The following MTMR6 variants were observed in gnomAD, a reference collection of about 807,000 sequenced individuals.
MTMR6 encodes phosphatidylinositol-3,5-bisphosphate 3-phosphatase MTMR6.
MTMR6 carries 47 observed loss-of-function variants against 80.1 expected under a neutral mutation model. The ratio of observed to expected loss-of-function variants is 0.59; its 90% confidence interval spans 0.46 to 0.75. The LOEUF is 0.75. Ranked by LOEUF, MTMR6 falls within the 30% of genes least tolerant of loss-of-function variation. The pLI, the probability that MTMR6 is intolerant of heterozygous loss-of-function variation, is 0.00. For missense variants in MTMR6, 629 were observed against 730.9 expected (o/e 0.86, Z 1.61); for synonymous variants, 254 against 253.0 (o/e 1.00, Z -0.04).
At chr13:25,278,990 G>A (rs998960723) in intron 1 of MTMR6, among the ~76,000 whole-genome samples, 3 of 152,152 alleles carry the variant, frequency 2.0e-5, no homozygotes, top group Non-Finnish European at 4.4e-5. Context: ...TCAGGAAAGA[G>A]TTTACTAATT....
At chr13:25,270,255 T>C (rs557196968) in intron 2 of MTMR6, among the ~76,000 whole-genome samples, 2 of 152,296 alleles carry the variant, frequency 1.3e-5, no homozygotes, top group Non-Finnish European at 2.9e-5. Flanking sequence ...TAACTAGTTA[T>C]GTGATTTTGA....
At chr13:25,285,213 T>G (rs1000031858) in intron 1 of MTMR6, among the ~76,000 whole-genome samples, 2 of 152,020 alleles carry the variant, frequency 1.3e-5, no homozygotes, top group Admixed American at 6.6e-5. Context: ...GGGCTACAAC[T>G]CTACAAATAA....
rs1593142037 is a variant in MTMR6, at chr13:25,253,769, C to T, written c.1341G>A (p.Glu447=). Residue 447 remains glutamate (E), a synonymous_variant, in exon 11 of 14, where the codon GAG becomes GAA. Transcript: ENST00000381801. ...FLGNCQKERE[E]LKLKEKTYSL... ...TTTTAATTGAATCATCTTACTTGAG[C>T]TCTTCTCTTTCCTTCTGACAATTTC... 1 of 1,613,708 alleles carries T rather than the reference C, an allele frequency of 6.2e-7. No homozygotes were observed. Among genetic ancestry groups the T allele is most frequent in the Non-Finnish European group, 8.5e-7 (1 of 1,179,784 alleles).
At position 25,274,063 on chromosome 13, in the gene MTMR6, C is replaced by G. The variant is rs1421351065; in HGVS notation, c.141+8G>C. The G allele has an allele frequency of 6.6e-7, 1 of 1,509,270 alleles. No individual in the cohort carries two copies. The highest frequency in any genetic ancestry group is 9.2e-7 in the Non-Finnish European group (1 of 1,092,558). 93.5% of individuals were successfully genotyped at this position (1,509,270 alleles called of 1,614,324 possible). Reference sequence around the variant, plus strand: ...TATGATAAATAGTACAGCTGCGGTCCTCCTTACCCAGGTTTCTTTTTGATG... The same window carrying G: ...TATGATAAATAGTACAGCTGCGGTCGTCCTTACCCAGGTTTCTTTTTGATG... On this transcript the variant is annotated splice_region_variant and intron_variant, in intron 2 of 13. Coordinates refer to ENST00000381801, the MANE Select transcript of MTMR6 (RefSeq NM_004685.5).
chr13:25,255,319 GTC>G (rs1171181169), intron 9 of MTMR6, among the ~76,000 whole-genome samples: 6 of 152,210 alleles, frequency 3.9e-5, no homozygotes, highest in Non-Finnish European at 8.8e-5. Flanking sequence ...TTTTATTCTG[GTC>G]TCTCTGCCAT....
chr13:25,260,562 T>C, intron 6 of MTMR6: 1 of 1,243,146 alleles, frequency 8.0e-7, no homozygotes, highest in Non-Finnish European at 1.0e-6. Flanking sequence ...ACTTGCGTTC[T>C]ATATTGCTCA....
chr13:25,273,989 G>C, intron 2 of MTMR6, 82 bp downstream of exon 2: 1 of 996,330 alleles, frequency 1.0e-6, no homozygotes, highest in Admixed American at 2.4e-5. Context: ...ATTAAAAATT[G>C]TGTTATACAC....
At chr13:25,254,044 A>C in intron 10 of MTMR6, 80 bp from the exon 11 acceptor site, 1 of 1,382,220 alleles carries the variant, frequency 7.2e-7, no homozygotes, top group Non-Finnish European at 1.0e-6. Flanking sequence ...TTAAACATAC[A>C]AAAATATTCC....
In MTMR6 at chr13:25,258,596, G is replaced by A. The variant is rs1957266194; in HGVS notation, c.823C>T (p.His275Tyr). Residue 275 changes from histidine (H) to tyrosine (Y), a missense_variant, in exon 7 of 14, where the codon CAT (histidine) becomes TAT (tyrosine). Coordinates refer to ENST00000381801, the MANE Select transcript of MTMR6 (RefSeq NM_004685.5). ...TTCTGAAGGCTGGACCTCATGACAT[G>A]AATATTTTCAATTCCAACAAACTGA... ...RFQFVGIENI[H>Y]VMRSSLQKLL... 3.1e-6 allele frequency: 5 copies of A among 1,596,254 alleles called. No individual in the cohort carries two copies. The East Asian group carries it at 1.1e-4, about 37-fold the overall frequency.
rs546763425 is a variant in MTMR6, at chr13:25,285,396, C to A, written c.24+1828G>T. 6.4e-3 allele frequency among the ~76,000 whole-genome samples: 866 copies of A among 134,342 alleles called. 65 individuals are homozygous for A. Among genetic ancestry groups the A allele is most frequent in the African/African-American group, 0.023 (816 of 35,490 alleles). 88.1% of individuals were successfully genotyped at this position (134,342 alleles called of 152,430 possible). A position where few individuals can be genotyped will look rare whatever the true frequency, so the allele number is the denominator to read the frequency against. On this transcript the variant is annotated intron_variant, in intron 1 of 13. Coordinates refer to ENST00000381801, the MANE Select transcript of MTMR6 (RefSeq NM_004685.5). Reference sequence around the variant, plus strand: ...GATTTTTTATTCTTTTCCGCCCCCCCCCCCCCAATTATGTCACCCAGGCTG... The same window carrying A: ...GATTTTTTATTCTTTTCCGCCCCCCACCCCCCAATTATGTCACCCAGGCTG...
In MTMR6 at chr13:25,253,857, C is replaced by T. The variant is rs1957137274; in HGVS notation, c.1253G>A (p.Ser418Asn). ...TEQFPQAFEFSEAFLLQIHEH... is the reference protein window; with the variant it reads ...TEQFPQAFEFNEAFLLQIHEH... ...ATGGATCTGAAGAAGAAATGCTTCA[C>T]TGAATTCAAAGGCTTGTGGAAACTG... The change falls in exon 11 of 14, where the codon AGT becomes AAT. Residue 418 changes from serine (S) to asparagine (N), a missense_variant. Transcript: ENST00000381801. 2 of 1,614,100 alleles carry T rather than the reference C, an allele frequency of 1.2e-6. No individual in the cohort carries two copies. Among genetic ancestry groups the T allele is most frequent in the South Asian group, 1.1e-5 (1 of 91,082 alleles).
chr13:25,276,750 C>T (rs577121134), intron 1 of MTMR6, among the ~76,000 whole-genome samples: 1 of 152,334 alleles, frequency 6.6e-6, no homozygotes, highest in Admixed American at 6.5e-5. Context: ...TCCAGCTCTG[C>T]TGTCTCCTGA....
At chr13:25,257,039 A>T (rs1957224387) in intron 9 of MTMR6, among the ~76,000 whole-genome samples, 157 bp downstream of exon 9, 1 of 152,168 alleles carries the variant, frequency 6.6e-6, no homozygotes, top group Non-Finnish European at 1.5e-5. Flanking sequence ...GTGCATTATA[A>T]AATGTTTAGT....
At chr13:25,261,303 T>TTAA (rs1471650543) in intron 6 of MTMR6, among the ~76,000 whole-genome samples, 1 of 40,836 alleles carries the variant, frequency 2.4e-5, no homozygotes, top group Admixed American at 4.6e-4. Context: ...AACTCTGTCT[T>TTAA]AAAAAAAAAA....
At chr13:25,279,663 T>A (rs1250483846) in intron 1 of MTMR6, among the ~76,000 whole-genome samples, 1 of 152,202 alleles carries the variant, frequency 6.6e-6, no homozygotes, top group Non-Finnish European at 1.5e-5. Context: ...AGGATGCGTA[T>A]GGAGTTTAAA....
Position 25,261,769 on chromosome 13 carries a change from C to T in MTMR6, c.625G>A (p.Gly209Arg). 2 of 1,613,336 alleles carry T rather than the reference C, an allele frequency of 1.2e-6. No homozygotes were observed. The highest frequency in any genetic ancestry group is 1.7e-6 in the Non-Finnish European group (2 of 1,179,600). The change falls in exon 6 of 14, where the codon GGA (glycine) becomes AGA (arginine). Residue 209 changes from glycine (G) to arginine (R), a missense_variant. Physicochemically the swap from Gly to Arg is moderately radical, Grantham distance 125 (BLOSUM62 -2). Coordinates refer to ENST00000381801, the MANE Select transcript of MTMR6 (RefSeq NM_004685.5). ...TCCTCCAGGCACCTGGCACTGAATC[C>T]AGAGAGTGGCTGACTACATCGACAA... is the stretch of plus-strand genomic sequence containing the variant. ...AICRCSQPLS[G>R]FSARCLEDEH...
In MTMR6 at chr13:25,261,656, T is replaced by TA. The variant is rs753579741; in HGVS notation, c.726+11dup. 2 of 1,604,184 alleles carry TA rather than the reference T, an allele frequency of 1.2e-6. No individual in the cohort carries two copies. The highest frequency in any genetic ancestry group is 1.7e-6 in the Non-Finnish European group (2 of 1,174,670). Reference sequence around the variant, plus strand: ...TTAAACTAGCAGACTGTACTGTATTTAAAATACATACTTTTGGCCTGGTAT... The same window carrying TA: ...TTAAACTAGCAGACTGTACTGTATTTAAAAATACATACTTTTGGCCTGGTAT... On this transcript the variant is annotated intron_variant, in intron 6 of 13. Transcript: ENST00000381801.
chr13:25,283,889 C>T (rs74042909), intron 1 of MTMR6, among the ~76,000 whole-genome samples: 3,619 of 152,136 alleles, frequency 0.024, 157 homozygotes, highest in African/African-American at 0.083. Context: ...GAGCTCAAAG[C>T]GATAGGTAGT....
chr13:25,252,161 A>G (rs978397808), intron 11 of MTMR6, among the ~76,000 whole-genome samples, 177 bp from the exon 12 acceptor site: 2 of 152,048 alleles, frequency 1.3e-5, no homozygotes, highest in African/African-American at 2.4e-5. Flanking sequence ...CTCCTTTTTC[A>G]TTCATAATTA....
Sources: gnomAD v4.1 joint callset for allele counts (sites outside exome capture counted in the v4.1 genomes callset) on GRCh38, gnomAD v4.1.1 for gene constraint, MANE v1.5 for transcripts, NCBI Gene and HGNC (gene_info 2026-07-23, HGNC 2026-07-21) for gene names.